PTPRT: variants seen among roughly 807,000 people sequenced by gnomAD.
The protein encoded by PTPRT is receptor-type tyrosine-protein phosphatase T.
A neutral mutation model predicts 176.8 loss-of-function variants in PTPRT; 56 were observed. That is an observed-to-expected ratio of 0.32 (90% CI 0.26 to 0.40). The LOEUF is 0.40. Among genes scored for constraint, PTPRT ranks in the 10% least tolerant of loss-of-function variants. PTPRT has a pLI of 1.00. For missense variants in PTPRT, 1,540 were observed against 1,908.2 expected, an observed-to-expected ratio of 0.81 and a Z score of 3.60; for synonymous variants, 783 against 739.0, an observed-to-expected ratio of 1.06 and a Z score of -0.96.
intron 1 of PTPRT, among the ~76,000 whole-genome samples, chr20:43,001,528 A>G (rs1045449896): frequency 6.6e-6 from 1 of 152,168 alleles, no homozygotes; most frequent in African/African-American, 2.4e-5. Context: ...TAAAACTAAA[A>G]GCAGAATGGG....
the PTPRT span, among the ~76,000 whole-genome samples, chr20:42,031,924 T>C: frequency 6.6e-6 from 1 of 152,182 alleles, no homozygotes; most frequent in African/African-American, 2.4e-5. Context: ...CTAAGTACTT[T>C]GTAAATCTTC....
intron 9 of PTPRT, among the ~76,000 whole-genome samples, chr20:42,397,699 C>G (rs2058865056): frequency 6.6e-6 from 1 of 152,174 alleles, no homozygotes; most frequent in Admixed American, 6.5e-5. Context: ...CATTAATGAG[C>G]ACCTGGGTTG....
intron 2 of PTPRT, among the ~76,000 whole-genome samples, chr20:42,855,585 C>A (rs1481412523): frequency 6.9e-6 from 1 of 145,408 alleles, no homozygotes; most frequent in Non-Finnish European, 1.5e-5. Context: ...GAGTGCGCCA[C>A]CACACCCAGC....
chr20:42,911,119 T>C (rs2079538737), intron 1 of PTPRT, among the ~76,000 whole-genome samples: 1 of 152,140 alleles, frequency 6.6e-6, no homozygotes, highest in South Asian at 2.1e-4. Flanking sequence ...TAAGATGAGA[T>C]TTGGGTGAGG....
At chr20:42,061,250 T>C in the PTPRT span, among the ~76,000 whole-genome samples, 4 of 152,128 alleles carry the variant, frequency 2.6e-5, no homozygotes, top group Non-Finnish European at 4.4e-5. Context: ...TTGTGAAGCA[T>C]CTTACCGTGA....
At chr20:42,893,391 G>A (rs574705573) in intron 1 of PTPRT, among the ~76,000 whole-genome samples, 39 of 152,088 alleles carry the variant, frequency 2.6e-4, no homozygotes, top group African/African-American at 8.0e-4. Flanking sequence ...GGAGAAATAG[G>A]AACACTTTTA....
chr20:42,106,880 G>T lies in PTPRT; in HGVS notation c.3296C>A (p.Thr1099Asn). 1.2e-6 allele frequency: 2 copies of T among 1,614,158 alleles called. No homozygotes were observed. The highest frequency in any genetic ancestry group is 1.6e-4 in the Middle Eastern group (1 of 6,062). The change falls in exon 24 of 31, where the codon ACC (threonine) becomes AAC (asparagine). Residue 1099 changes from threonine to asparagine, a missense_variant. Physicochemically the swap from Thr to Asn is moderately conservative, Grantham distance 65. Around this residue, in one of 11 missense-constraint regions of PTPRT, gnomAD observed 248 missense variants for 356.7 expected, o/e 0.70. Coordinates refer to ENST00000373187, the MANE Select transcript of PTPRT (RefSeq NM_007050.6). ...GRTGCFIAID[T>N]MLDMAENEGV... is the part of the protein sequence containing the mutation. Reference sequence around the variant, plus strand: ...TTCATTCTCGGCCATGTCAAGCATGGTGTCAATGGCAATGAAGCAGCCAGT... The same window carrying T: ...TTCATTCTCGGCCATGTCAAGCATGTTGTCAATGGCAATGAAGCAGCCAGT...
chr20:43,137,607 G>A (rs570187822), intron 1 of PTPRT, among the ~76,000 whole-genome samples: 1 of 152,278 alleles, frequency 6.6e-6, no homozygotes, highest in East Asian at 1.9e-4. Flanking sequence ...ACAGGAGGCC[G>A]GCTCCACAGG....
At chr20:42,316,065 G>C (rs1224713883) in intron 11 of PTPRT, 69 bp from the exon 12 acceptor site, 4 of 1,531,496 alleles carry the variant, frequency 2.6e-6, no homozygotes, top group Non-Finnish European at 3.6e-6. Context: ...TAGCTCTAAT[G>C]GTGTCAACCC....
intron 11 of PTPRT, among the ~76,000 whole-genome samples, chr20:42,345,111 TTG>T (rs749659888): frequency 1.3e-5 from 2 of 152,108 alleles, no homozygotes; most frequent in Non-Finnish European, 2.9e-5. Context: ...CTTTTTCTGA[TTG>T]TCTTTCCTGT....
At chr20:42,258,208 T>A (rs1217343811) in intron 13 of PTPRT, among the ~76,000 whole-genome samples, 1 of 152,232 alleles carries the variant, frequency 6.6e-6, no homozygotes, top group Non-Finnish European at 1.5e-5. Context: ...ATCATGCAGT[T>A]CTATTTCATG....
rs759048129 is a variant in PTPRT, at chr20:42,081,948, G to A, written c.4206C>T (p.Asn1402=). The A allele has an allele frequency of 3.7e-6, 6 of 1,614,226 alleles. No individual in the cohort carries two copies. In the Admixed American group the frequency reaches 1.0e-4, roughly 27 times the overall value. The change falls in exon 30 of 31, where the codon AAC becomes AAT. Residue 1402 remains asparagine (N), a synonymous_variant. Coordinates refer to ENST00000373187, the MANE Select transcript of PTPRT (RefSeq NM_007050.6). The stretch of plus-strand genomic sequence containing the variant: ...TCACGATGTGGAACACGTCAATGAT[G>A]TTTTGCTGCTGGATCATCTCACACA... ...CSVCEMIQQQ[N]IIDVFHIVKT... is the part of the protein sequence containing the mutation.
At chr20:42,938,307 A>T (rs879777353) in intron 1 of PTPRT, among the ~76,000 whole-genome samples, 2 of 152,224 alleles carry the variant, frequency 1.3e-5, no homozygotes, top group Non-Finnish European at 2.9e-5. Flanking sequence ...GATACCCAGG[A>T]AGGATTACCC....
At chr20:42,044,431 A>G in the PTPRT span, among the ~76,000 whole-genome samples, 1 of 152,206 alleles carries the variant, frequency 6.6e-6, no homozygotes, top group Non-Finnish European at 1.5e-5. Context: ...ACACACACCA[A>G]TCGAGAGGAC....
chr20:43,165,702 G>A (rs997161132), intron 1 of PTPRT, among the ~76,000 whole-genome samples: 2 of 152,184 alleles, frequency 1.3e-5, no homozygotes, highest in Admixed American at 6.5e-5. Flanking sequence ...TTCGGCTTGG[G>A]GCTTTATTCT....
chr20:42,391,330 G>A (rs914327910), intron 9 of PTPRT, among the ~76,000 whole-genome samples: 1 of 152,204 alleles, frequency 6.6e-6, no homozygotes, highest in Non-Finnish European at 1.5e-5. Context: ...CTGAACACAA[G>A]TGTAGAAGTC....
chr20:42,640,073 T>C (rs35253884), intron 7 of PTPRT, among the ~76,000 whole-genome samples: 15,854 of 152,184 alleles, frequency 0.1, 1,042 homozygotes, highest in Middle Eastern at 0.16. Flanking sequence ...ATTCTTTACC[T>C]GCTACAATCT....
intron 1 of PTPRT, among the ~76,000 whole-genome samples, chr20:43,038,870 A>G (rs147769162): frequency 1.7e-4 from 26 of 152,304 alleles, no homozygotes; most frequent in Admixed American, 3.9e-4. Flanking sequence ...TAAAAAATAA[A>G]CAAGAAATAT....
intron 11 of PTPRT, among the ~76,000 whole-genome samples, chr20:42,321,745 A>AATGAAG (rs1263142333): frequency 6.6e-6 from 1 of 152,200 alleles, no homozygotes. Context: ...TGCTTCTAAT[A>AATGAAG]CCATACTAGA....
Sources: gnomAD v4.1 joint callset for allele counts (sites outside exome capture counted in the v4.1 genomes callset) on GRCh38, gnomAD v4.1.1 for gene constraint, gnomAD v4.1.1 regional missense constraint, MANE v1.5 for transcripts, NCBI Gene and HGNC (gene_info 2026-07-23, HGNC 2026-07-21) for gene names.